STIM2: variants seen among roughly 807,000 people sequenced by gnomAD.
STIM2 encodes the protein stromal interaction molecule 2.
Under a neutral mutation model 85.8 loss-of-function variants are expected in STIM2, and 31 were observed. The ratio of observed to expected loss-of-function variants is 0.36; its 90% CI spans 0.27 to 0.49. The LOEUF (loss-of-function observed/expected upper bound fraction) is 0.49. Among genes scored for constraint, STIM2 ranks in the 20% least tolerant of loss-of-function variants. STIM2 has a pLI of 0.98. For missense variants in STIM2, 841 were observed against 927.6 expected (o/e 0.91, Z 1.21); for synonymous variants, 356 against 331.1 (o/e 1.08, Z -0.82).
chr4:26,990,404 T>A (rs1042815912), intron 3 of STIM2, among the ~76,000 whole-genome samples: 1 of 152,168 alleles, frequency 6.6e-6, no homozygotes, highest in African/African-American at 2.4e-5. Context: ...GATATCTCTA[T>A]GCAGAAGAAT....
At chr4:27,005,636 G>A (rs1165768678) in intron 7 of STIM2, among the ~76,000 whole-genome samples, 1 of 152,140 alleles carries the variant, frequency 6.6e-6, no homozygotes, top group Non-Finnish European at 1.5e-5. Context: ...TAAGGGTTGG[G>A]ATTTAGATCA....
At chr4:26,875,023 A>G (rs568685797) in intron 1 of STIM2, among the ~76,000 whole-genome samples, 2 of 152,228 alleles carry the variant, frequency 1.3e-5, no homozygotes, top group South Asian at 4.1e-4. Flanking sequence ...ACTAGTTTGC[A>G]GATTCCTTTA....
At chr4:26,999,993 AT>A (rs1256198693) in intron 5 of STIM2, among the ~76,000 whole-genome samples, 1 of 151,804 alleles carries the variant, frequency 6.6e-6, no homozygotes, top group Non-Finnish European at 1.5e-5. Context: ...TTTAATTTCA[AT>A]TTTTTCAGAA....
At chr4:27,009,139 GTAATT>G in intron 10 of STIM2, 137 bp downstream of exon 10, 1 of 662,136 alleles carries the variant, frequency 1.5e-6, no homozygotes. Context: ...CTTTTTGTTA[GTAATT>G]TAAATATTTA....
intron 11 of STIM2, among the ~76,000 whole-genome samples, chr4:27,018,594 T>A (rs1319611645): frequency 1.3e-5 from 2 of 152,186 alleles, no homozygotes; most frequent in African/African-American, 4.8e-5. Context: ...GCATCTATTT[T>A]TATGTTTGAT....
At chr4:27,002,099 T>C (rs1577490179) in intron 5 of STIM2, 118 bp from the exon 6 acceptor site, 2 of 848,092 alleles carry the variant, frequency 2.4e-6, no homozygotes, top group East Asian at 5.5e-5. Flanking sequence ...AGCTTGTGCA[T>C]GGGAAAGAGA....
At chr4:26,861,417 A>C in intron 1 of STIM2, 48 bp downstream of exon 1, 2 of 1,264,018 alleles carry the variant, frequency 1.6e-6, no homozygotes, top group Non-Finnish European at 2.0e-6. Context: ...CAGCGATGGG[A>C]CCCCCAACCC....
At chr4:26,950,363 A>G (rs1333866149) in intron 2 of STIM2, among the ~76,000 whole-genome samples, 1 of 152,238 alleles carries the variant, frequency 6.6e-6, no homozygotes, top group Non-Finnish European at 1.5e-5. Context: ...TGTTTTAGAT[A>G]GAAATTTTGA....
intron 3 of STIM2, among the ~76,000 whole-genome samples, chr4:26,987,471 G>A (rs183800082): frequency 1.3e-5 from 2 of 152,008 alleles, no homozygotes; most frequent in East Asian, 1.9e-4. Context: ...GTATAGTCCC[G>A]CCCTTCCCCA....
At chr4:26,871,704 CTTTTTTTT>C (rs35869869) in intron 1 of STIM2, among the ~76,000 whole-genome samples, 1 of 129,524 alleles carries the variant, frequency 7.7e-6, no homozygotes, top group African/African-American at 2.9e-5. Flanking sequence ...TGTTTTCACC[CTTTTTTTT>C]TTTTTTTTTT....
At chr4:26,864,506 C>T (rs1278848740) in intron 1 of STIM2, among the ~76,000 whole-genome samples, 1 of 151,936 alleles carries the variant, frequency 6.6e-6, no homozygotes, top group Non-Finnish European at 1.5e-5. Flanking sequence ...CAAAAAAATG[C>T]CGAATAATTG....
chr4:26,945,548 C>A (rs974831522), intron 2 of STIM2, among the ~76,000 whole-genome samples: 1 of 152,192 alleles, frequency 6.6e-6, no homozygotes, highest in Non-Finnish European at 1.5e-5. Context: ...AATGGTTGAA[C>A]TAATTTACAC....
At chr4:26,866,212 A>G (rs992526698) in intron 1 of STIM2, among the ~76,000 whole-genome samples, 2 of 152,074 alleles carry the variant, frequency 1.3e-5, no homozygotes, top group Non-Finnish European at 2.9e-5. Context: ...TCAGTTTTCT[A>G]TTGTTGCTGT....
chr4:26,878,582 T>TA (rs1722894207), intron 1 of STIM2, among the ~76,000 whole-genome samples: 1 of 152,214 alleles, frequency 6.6e-6, no homozygotes, highest in African/African-American at 2.4e-5. Context: ...ATTTTTGGTA[T>TA]ATCTCTTTTT....
chr4:26,899,862 A>C (rs753103095), intron 1 of STIM2, among the ~76,000 whole-genome samples: 1 of 152,154 alleles, frequency 6.6e-6, no homozygotes, highest in Non-Finnish European at 1.5e-5. Flanking sequence ...AAATTTCTGA[A>C]TAATGAATTT....
chr4:26,905,133 C>A (rs936386065), intron 1 of STIM2, among the ~76,000 whole-genome samples: 1 of 151,978 alleles, frequency 6.6e-6, no homozygotes, highest in African/African-American at 2.4e-5. Flanking sequence ...CAAGAAGATA[C>A]GAAATAGAAT....
At chr4:26,883,663 TTAAAA>T (rs1251325365) in intron 1 of STIM2, among the ~76,000 whole-genome samples, 1 of 152,194 alleles carries the variant, frequency 6.6e-6, no homozygotes, top group Non-Finnish European at 1.5e-5. Flanking sequence ...AATTGTATAA[TTAAAA>T]TAAGATATGA....
chr4:26,911,964 A>G (rs1322861843), intron 1 of STIM2, among the ~76,000 whole-genome samples: 2 of 152,246 alleles, frequency 1.3e-5, no homozygotes, highest in Admixed American at 6.5e-5. Context: ...TAGAGAGGGT[A>G]TCAGAAGAGA....
chr4:26,999,557 A>C (rs1370527426), intron 5 of STIM2, among the ~76,000 whole-genome samples: 3 of 152,212 alleles, frequency 2.0e-5, no homozygotes, highest in Non-Finnish European at 4.4e-5. Context: ...CTGGTTACTA[A>C]TGTAAGAAGT....
Sources: gnomAD v4.1 joint callset for allele counts (sites outside exome capture counted in the v4.1 genomes callset) on GRCh38, gnomAD v4.1.1 for gene constraint, MANE v1.5 for transcripts, NCBI Gene and HGNC (gene_info 2026-07-23, HGNC 2026-07-21) for gene names.